Variants in HIVEP3 observed in about 807,000 individuals in gnomAD.
HIVEP3 encodes the protein transcription factor HIVEP3.
Under a neutral mutation model 152.8 loss-of-function variants are expected in HIVEP3, and 49 were observed. The observed-to-expected ratio is 0.32, with a 90% CI of 0.26 to 0.41. The LOEUF (loss-of-function observed/expected upper bound fraction) is 0.41, where lower values mean the gene tolerates loss of function less well. Ranked by LOEUF, HIVEP3 falls within the 10% of genes least tolerant of loss-of-function variation. HIVEP3 has a pLI of 1.00. For missense variants in HIVEP3, 2,790 were observed against 3,103.3 expected (o/e 0.90, Z 2.40); for synonymous variants, 1,269 against 1,289.0 (o/e 0.98, Z 0.33).
At chr1:41,979,149 A>G (rs1645280790) in intron 1 of HIVEP3, among the ~76,000 whole-genome samples, 1 of 152,176 alleles carries the variant, frequency 6.6e-6, no homozygotes, top group Admixed American at 6.5e-5. Flanking sequence ...CTCTTGGATC[A>G]CAAATTCTAG....
intron 1 of HIVEP3, among the ~76,000 whole-genome samples, chr1:41,723,416 G>C (rs887415965): frequency 6.6e-6 from 1 of 151,408 alleles, no homozygotes; most frequent in African/African-American, 2.4e-5. Context: ...TAAAGTTCTG[G>C]TTCCATCACA....
intron 1 of HIVEP3, among the ~76,000 whole-genome samples, chr1:41,791,278 C>T (rs916099124): frequency 2.0e-5 from 3 of 152,182 alleles, no homozygotes; most frequent in Non-Finnish European, 2.9e-5. Context: ...CACTGCATTC[C>T]TTTCTTTGCT....
At chr1:41,545,663 TGCCACAGC>T (rs1643773638) in intron 5 of HIVEP3, among the ~76,000 whole-genome samples, 1 of 35,810 alleles carries the variant, frequency 2.8e-5, no homozygotes, top group Non-Finnish European at 5.5e-5. Flanking sequence ...CTACCACCCC[TGCCACAGC>T]CACCACCACC....
At chr1:41,846,682 T>C (rs974435345) in intron 1 of HIVEP3, among the ~76,000 whole-genome samples, 1 of 152,256 alleles carries the variant, frequency 6.6e-6, no homozygotes, top group Non-Finnish European at 1.5e-5. Context: ...GTTTTTCCTC[T>C]TACTACACTG....
At chr1:41,625,216 A>T (rs1378850682) in intron 3 of HIVEP3, among the ~76,000 whole-genome samples, 1 of 122,338 alleles carries the variant, frequency 8.2e-6, no homozygotes, top group Non-Finnish European at 1.7e-5. Context: ...CTTTGCAGTC[A>T]AGCCAAACGA....
At chr1:41,765,638 A>G (rs1647962349) in intron 1 of HIVEP3, among the ~76,000 whole-genome samples, 1 of 152,264 alleles carries the variant, frequency 6.6e-6, no homozygotes, top group Non-Finnish European at 1.5e-5. Flanking sequence ...AGAAGAAAAC[A>G]GAAATTAGCC....
intron 4 of HIVEP3, among the ~76,000 whole-genome samples, chr1:41,578,966 G>A (rs1644361699): frequency 6.6e-6 from 1 of 152,226 alleles, no homozygotes; most frequent in African/African-American, 2.4e-5. Context: ...CCTTGTCAGG[G>A]TATGGTGGTG....
At position 41,873,965 on chromosome 1, in the gene HIVEP3, G is replaced by A. The variant is rs1040989447; in HGVS notation, c.-801+44448C>T. 3.3e-5 allele frequency among the ~76,000 whole-genome samples: 5 copies of A among 152,114 alleles called. No individual in the cohort carries two copies. The highest frequency in any genetic ancestry group is 9.7e-5 in the African/African-American group (4 of 41,422). On this transcript the variant is annotated intron_variant, in intron 1 of 8. Transcript: ENST00000372583. This position sits in a 1 kb window ranked among gnomAD's most constrained non-coding sequence, Gnocchi z 4.2. The stretch of plus-strand genomic sequence containing the variant: ...GCTGCAGGCCCTCCTTCCCACCCTC[G>A]CTTCCCTTCTCCTCCACACTGTCAA...
chr1:41,514,134 C>A (rs1642533238), intron 7 of HIVEP3, among the ~76,000 whole-genome samples: 2 of 151,454 alleles, frequency 1.3e-5, no homozygotes, highest in Non-Finnish European at 2.9e-5. Context: ...TGAGCCATAG[C>A]AAAGAAGACA....
chr1:41,537,872 C>T (rs1318565940), intron 5 of HIVEP3, among the ~76,000 whole-genome samples: 1 of 152,194 alleles, frequency 6.6e-6, no homozygotes, highest in African/African-American at 2.4e-5. Flanking sequence ...ACAGAGCCCA[C>T]CAGCACAGTC....
chr1:41,710,921 G>A (rs1471837215), intron 1 of HIVEP3, among the ~76,000 whole-genome samples: 8 of 152,232 alleles, frequency 5.3e-5, no homozygotes, highest in Non-Finnish European at 1.2e-4. Flanking sequence ...TTATCGTATA[G>A]TCACCATCGC....
intron 3 of HIVEP3, among the ~76,000 whole-genome samples, chr1:41,590,927 G>A (rs1291012816): frequency 6.6e-6 from 1 of 152,104 alleles, no homozygotes; most frequent in African/African-American, 2.4e-5. Context: ...CTAACTGATG[G>A]TCCCCTAATC....
chr1:41,997,995 A>G (rs571573132), intron 1 of HIVEP3, among the ~76,000 whole-genome samples: 2 of 152,280 alleles, frequency 1.3e-5, no homozygotes, highest in South Asian at 2.1e-4. Context: ...GCTAAATTGA[A>G]CTACCTGTTA....
At chr1:41,813,994 C>A (rs1276935565) in intron 1 of HIVEP3, among the ~76,000 whole-genome samples, 1 of 152,190 alleles carries the variant, frequency 6.6e-6, no homozygotes, top group East Asian at 1.9e-4. Flanking sequence ...ACTGCCCTTT[C>A]TCAATCTCAG....
intron 3 of HIVEP3, among the ~76,000 whole-genome samples, chr1:41,599,044 T>C (rs1644708679): frequency 6.6e-6 from 1 of 152,150 alleles, no homozygotes; most frequent in Non-Finnish European, 1.5e-5. Context: ...CTTGAACTCC[T>C]GGGCTCAAGT....
intron 2 of HIVEP3, among the ~76,000 whole-genome samples, chr1:41,689,388 G>T (rs909913971): frequency 2.0e-5 from 3 of 152,230 alleles, no homozygotes; most frequent in Non-Finnish European, 2.9e-5. Flanking sequence ...AGTGTTTGGA[G>T]GTTGTGCCTC....
At chr1:41,880,382 G>C (rs1644242673) in intron 1 of HIVEP3, among the ~76,000 whole-genome samples, 1 of 152,178 alleles carries the variant, frequency 6.6e-6, no homozygotes, top group Admixed American at 6.5e-5. Flanking sequence ...TTTGAACCTA[G>C]GGGCCTGACT....
intron 1 of HIVEP3, among the ~76,000 whole-genome samples, chr1:42,013,531 C>T (rs1645504835): frequency 6.6e-6 from 1 of 152,176 alleles, no homozygotes; most frequent in Non-Finnish European, 1.5e-5. Flanking sequence ...TCTTTACATT[C>T]CTATTATAAC....
At chr1:41,778,224 T>A (rs1648832408) in intron 1 of HIVEP3, among the ~76,000 whole-genome samples, 1 of 152,202 alleles carries the variant, frequency 6.6e-6, no homozygotes, top group Admixed American at 6.5e-5. Context: ...GTGGATGGCA[T>A]CTGCTCTGCC....
Sources: gnomAD v4.1 joint callset for allele counts (sites outside exome capture counted in the v4.1 genomes callset) on GRCh38, gnomAD v4.1.1 for gene constraint, Gnocchi (gnomAD v3.1) non-coding constraint, MANE v1.5 for transcripts, NCBI Gene and HGNC (gene_info 2026-07-23, HGNC 2026-07-21) for gene names.